Variants in ZC3H18 observed in about 807,000 individuals in gnomAD.
ZC3H18 encodes zinc finger CCCH-type containing 18.
A neutral mutation model predicts 106.1 loss-of-function variants in ZC3H18; 8 were observed. The observed-to-expected ratio is 0.08, with a 90% CI of 0.04 to 0.14. The LOEUF (loss-of-function observed/expected upper bound fraction) is 0.14, where lower values mean the gene tolerates loss of function less well. ZC3H18 is among the 10% of genes least tolerant of loss of function. The pLI is 1.00. For synonymous variants in ZC3H18, 635 were observed against 522.1 expected (o/e 1.22, Z -2.95); for missense variants, 1,318 against 1,278.4 (o/e 1.03, Z -0.47).
chr16:88,621,281 A>C (rs1199982163), intron 8 of ZC3H18, among the ~76,000 whole-genome samples: 2 of 148,772 alleles, frequency 1.3e-5, no homozygotes, highest in African/African-American at 5.0e-5. Flanking sequence ...CTGGAGTGCA[A>C]TGGCGCGATC....
rs1452085627 is a variant in ZC3H18 at position 88,631,297 on chromosome 16, T to A, written c.2860T>A (p.Ter954LysextTer13). The A allele has an allele frequency of 6.3e-7, 1 of 1,578,422 alleles. No individual in the cohort carries two copies. Among genetic ancestry groups the A allele is most frequent in the Non-Finnish European group, 8.6e-7 (1 of 1,162,210 alleles). ...RKRAKIPGKA* is the reference protein window; with the variant it reads ...RKRAKIPGKAK Reference sequence around the variant, plus strand: ...GCGGGCCAAGATCCCCGGGAAAGCATAGGCCGTGCCCCGACCGGACTGGAC... The same window carrying A: ...GCGGGCCAAGATCCCCGGGAAAGCAAAGGCCGTGCCCCGACCGGACTGGAC... The change falls in exon 18 of 18, where the codon TAG becomes AAG. Residue 954 changes from the stop codon to lysine (K), a stop_lost. Coordinates refer to ENST00000301011, the MANE Select transcript of ZC3H18 (RefSeq NM_144604.4).
At chr16:88,625,500 G>A (rs896561553) in intron 13 of ZC3H18, 18 of 563,982 alleles carry the variant, frequency 3.2e-5, no homozygotes, top group East Asian at 2.5e-4. Context: ...TCACAAACTC[G>A]GGGGCACTCA....
intron 6 of ZC3H18, among the ~76,000 whole-genome samples, chr16:88,604,045 G>A (rs1435228069): frequency 2.0e-5 from 3 of 152,088 alleles, no homozygotes; most frequent in Admixed American, 1.3e-4. Flanking sequence ...GGTACCATCT[G>A]ACTTATAAAA....
chr16:88,580,263 A>G (rs1219931787), intron 2 of ZC3H18, among the ~76,000 whole-genome samples: 2 of 149,052 alleles, frequency 1.3e-5, no homozygotes, highest in African/African-American at 5.0e-5. Flanking sequence ...CATGTTTCCT[A>G]AGACTGGGGG....
intron 8 of ZC3H18, among the ~76,000 whole-genome samples, chr16:88,614,424 C>T (rs1371706147): frequency 1.3e-5 from 2 of 152,250 alleles, no homozygotes; most frequent in Non-Finnish European, 2.9e-5. Context: ...AAGTCATCTA[C>T]GCTTTTCTGA....
intron 9 of ZC3H18, 69 bp downstream of exon 9, chr16:88,622,457 A>C: frequency 1.3e-4 from 188 of 1,480,176 alleles, no homozygotes; most frequent in Non-Finnish European, 1.6e-4. Flanking sequence ...CATGTACCTC[A>C]CTGGGTCAGG....
intron 6 of ZC3H18, among the ~76,000 whole-genome samples, chr16:88,601,421 C>T (rs936738331): frequency 6.6e-6 from 1 of 152,140 alleles, no homozygotes; most frequent in Non-Finnish European, 1.5e-5. Context: ...AGAACCTGGG[C>T]GTGATCCTTG....
chr16:88,616,225 C>G (rs1321215078), intron 8 of ZC3H18, among the ~76,000 whole-genome samples: 1 of 152,244 alleles, frequency 6.6e-6, no homozygotes, highest in African/African-American at 2.4e-5. Flanking sequence ...GTTCAGGAAA[C>G]TCTGTACTAA....
intron 3 of ZC3H18, among the ~76,000 whole-genome samples, chr16:88,593,660 C>T (rs1242211674): frequency 1.3e-5 from 2 of 152,160 alleles, no homozygotes; most frequent in Non-Finnish European, 2.9e-5. Context: ...TGCGGCTGAC[C>T]CTGTGCGCTC....
At chr16:88,628,198 G>A in intron 15 of ZC3H18, 79 bp downstream of exon 15, 1 of 1,532,074 alleles carries the variant, frequency 6.5e-7, no homozygotes, top group Non-Finnish European at 8.9e-7. Context: ...GCTTCCTCCT[G>A]GGGGACGGAG....
chr16:88,630,145 T>C (rs1284588970), intron 16 of ZC3H18: 3 of 257,326 alleles, frequency 1.2e-5, no homozygotes, highest in African/African-American at 6.8e-5. Flanking sequence ...GCTTTGCTTG[T>C]ATTTCTTTAC....
chr16:88,571,976 T>C (rs1360664072), intron 1 of ZC3H18, among the ~76,000 whole-genome samples: 2 of 152,236 alleles, frequency 1.3e-5, no homozygotes, highest in Admixed American at 6.5e-5. Context: ...AGAATCTCTT[T>C]AGAACTCCTG....
intron 6 of ZC3H18, among the ~76,000 whole-genome samples, chr16:88,602,701 T>C (rs914922755): frequency 1.3e-5 from 2 of 152,236 alleles, no homozygotes; most frequent in African/African-American, 4.8e-5. Context: ...TTTTTTGAGA[T>C]GAGGTCTTGC....
chr16:88,623,497 G>A, intron 10 of ZC3H18, 153 bp downstream of exon 10: 1 of 1,021,230 alleles, frequency 9.8e-7, no homozygotes, highest in Non-Finnish European at 1.4e-6. Flanking sequence ...CGTGTCCTGT[G>A]TCCCCCACCA....
In ZC3H18 at chr16:88,612,690, A is replaced by C. The variant is rs542679118; in HGVS notation, c.1475+1154A>C. Among the ~76,000 whole-genome samples the C allele has an allele frequency of 2.3e-3, 350 of 151,878 alleles. 3 individuals are homozygous for C. Among genetic ancestry groups the C allele is most frequent in the African/African-American group, 8.3e-3 (345 of 41,408 alleles). On this transcript the variant is annotated intron_variant, in intron 8 of 17. Transcript: ENST00000301011. ...TGAGACCCTGTATCTAAAAAAAAAA[A>C]AAAATTAAAAATTGTTTTAAAAAAA... is the stretch of plus-strand genomic sequence containing the variant.
chr16:88,587,059 C>T (rs1175730461), intron 3 of ZC3H18, among the ~76,000 whole-genome samples: 1 of 152,296 alleles, frequency 6.6e-6, no homozygotes, highest in East Asian at 1.9e-4. Flanking sequence ...TAGCATTTTC[C>T]CCACCTCTGT....
intron 2 of ZC3H18, among the ~76,000 whole-genome samples, chr16:88,581,386 A>G (rs1238688631): frequency 6.6e-6 from 1 of 152,192 alleles, no homozygotes; most frequent in Admixed American, 6.5e-5. Flanking sequence ...ATTATGGGGT[A>G]CACTTTCCTT....
intron 8 of ZC3H18, among the ~76,000 whole-genome samples, chr16:88,619,862 G>A (rs1905853629): frequency 6.6e-6 from 1 of 152,176 alleles, no homozygotes; most frequent in Non-Finnish European, 1.5e-5. Context: ...TTCCTCTTGG[G>A]GTGTTAGGAT....
chr16:88,591,921 C>A (rs968692897), intron 3 of ZC3H18, among the ~76,000 whole-genome samples: 1 of 151,030 alleles, frequency 6.6e-6, no homozygotes, highest in African/African-American at 2.4e-5. Flanking sequence ...TTTGAGGAAC[C>A]GCTGGCAGCG....
Sources: allele counts gnomAD v4.1 joint callset (sites outside exome capture counted in the v4.1 genomes callset), GRCh38; gene constraint gnomAD v4.1.1; transcripts MANE v1.5; gene names NCBI Gene and HGNC (gene_info 2026-07-23, HGNC 2026-07-21).